Variants in PREX2 observed in about 807,000 individuals in gnomAD.
The protein encoded by PREX2 is phosphatidylinositol-3,4,5-trisphosphate dependent Rac exchange factor 2.
Under a neutral mutation model 203.2 loss-of-function variants are expected in PREX2, and 107 were observed. The observed-to-expected ratio is 0.53, with a 90% CI of 0.45 to 0.62. The LOEUF is 0.62. Ranked by LOEUF, PREX2 falls within the 20% of genes least tolerant of loss-of-function variation. The pLI, the probability that PREX2 is intolerant of heterozygous loss-of-function variation, is 0.00. For synonymous variants in PREX2, 672 were observed against 663.6 expected (o/e 1.01, Z -0.19); for missense variants, 1,777 against 1,955.9 (o/e 0.91, Z 1.72).
chr8:67,996,777 A>C (rs562085667), intron 1 of PREX2, among the ~76,000 whole-genome samples: 3 of 152,074 alleles, frequency 2.0e-5, no homozygotes, highest in Non-Finnish European at 4.4e-5. Flanking sequence ...TACCTTATAC[A>C]TATATGTCTA....
At position 68,115,728 on chromosome 8, in the gene PREX2, AT is replaced by A. The variant is rs35346688; in HGVS notation, c.3147-16del. 3.3e-3 allele frequency: 5,053 copies of A among 1,526,006 alleles called. 88 individuals are homozygous for A. In the African/African-American group the frequency reaches 0.05, roughly 15 times the overall value. 94.5% of individuals were successfully genotyped at this position (1,526,006 alleles called of 1,614,324 possible). ...TATAGCAGACAGTTTGAAAATGTGC[AT>A]TTTTTTTTAATATTACATTGCAGCC... On this transcript the variant is annotated intron_variant, in intron 25 of 39. Coordinates refer to ENST00000288368, the MANE Select transcript of PREX2 (RefSeq NM_024870.4).
intron 8 of PREX2, among the ~76,000 whole-genome samples, chr8:68,050,648 A>G (rs1431237103): frequency 3.3e-5 from 5 of 152,170 alleles, no homozygotes; most frequent in Non-Finnish European, 7.3e-5. Flanking sequence ...GTTTCTGTAC[A>G]TTGAAACAAT....
In PREX2 at chr8:68,057,449, T is replaced by C. The variant is rs140435651; in HGVS notation, c.1238+1475T>C. On this transcript the variant is annotated intron_variant, in intron 10 of 39. Transcript: ENST00000288368. Reference sequence around the variant, plus strand: ...CTCCCCAACCCCCAACTCAGAAATCTATAGGCCAGGAAACCCTCTGCCTGC... The same window carrying C: ...CTCCCCAACCCCCAACTCAGAAATCCATAGGCCAGGAAACCCTCTGCCTGC... Among the ~76,000 whole-genome samples, 520 of 152,238 alleles carry C rather than the reference T, an allele frequency of 3.4e-3. 4 individuals are homozygous for C. Among genetic ancestry groups the C allele is most frequent in the African/African-American group, 0.012 (504 of 41,536 alleles).
At chr8:67,994,970 AAC>A (rs965162315) in intron 1 of PREX2, among the ~76,000 whole-genome samples, 19 of 152,224 alleles carry the variant, frequency 1.2e-4, no homozygotes, top group African/African-American at 4.3e-4. Context: ...TCTATTCTAA[AAC>A]CAAATTTTAA....
rs139043000 is a variant in PREX2 at position 67,997,614 on chromosome 8, A to C, written c.142-20232A>C. 2.2e-3 allele frequency among the ~76,000 whole-genome samples: 329 copies of C among 152,122 alleles called. 1 individual carries two copies. Among genetic ancestry groups the C allele is most frequent in the Middle Eastern group, 0.014 (4 of 294 alleles). On this transcript the variant is annotated intron_variant, in intron 1 of 39. Coordinates refer to ENST00000288368, the MANE Select transcript of PREX2 (RefSeq NM_024870.4). ...CATTCTAAATCTTTTGTTTTTCTCT[A>C]TAAAATTTAGAACCAGCTTGTTAGA...
intron 35 of PREX2, among the ~76,000 whole-genome samples, chr8:68,187,616 G>T (rs1472109049): frequency 6.6e-6 from 1 of 152,182 alleles, no homozygotes; most frequent in African/African-American, 2.4e-5. Context: ...ATTTGACTGT[G>T]ACTTGTATAC....
In PREX2 at chr8:68,109,660, T is replaced by C. The variant is rs751167281; in HGVS notation, c.3146+37T>C. Reference sequence around the variant, plus strand: ...GTACTACACTTTTAAGTTTGCCAAATAAAATAGCCATAAAAATGTGGCTTA... The same window carrying C: ...GTACTACACTTTTAAGTTTGCCAAACAAAATAGCCATAAAAATGTGGCTTA... On this transcript the variant is annotated intron_variant, in intron 25 of 39. Transcript: ENST00000288368. 5 of 1,538,524 alleles carry C rather than the reference T, an allele frequency of 3.2e-6. No homozygotes were observed. In the Admixed American group the frequency reaches 5.3e-5, roughly 16 times the overall value.
At chr8:68,065,123 C>G (rs979568024) in intron 11 of PREX2, among the ~76,000 whole-genome samples, 5 of 152,186 alleles carry the variant, frequency 3.3e-5, no homozygotes, top group African/African-American at 1.2e-4. Flanking sequence ...TCTAAGGCAA[C>G]AGCTAAGAGT....
At chr8:68,157,873 G>A (rs975827599) in intron 35 of PREX2, among the ~76,000 whole-genome samples, 7 of 151,848 alleles carry the variant, frequency 4.6e-5, no homozygotes, top group East Asian at 1.9e-4. Flanking sequence ...CATGTGCTTG[G>A]TATTGGAAAA....
chr8:68,062,232 CG>C (rs1489864534), intron 11 of PREX2, among the ~76,000 whole-genome samples: 3 of 152,198 alleles, frequency 2.0e-5, no homozygotes, highest in Admixed American at 1.3e-4. Flanking sequence ...TTCTAGTCGC[CG>C]TCATCTCCTC....
chr8:68,035,725 A>G (rs934540261), intron 6 of PREX2, among the ~76,000 whole-genome samples: 3 of 152,210 alleles, frequency 2.0e-5, no homozygotes, highest in African/African-American at 7.2e-5. Context: ...TAATTACTCA[A>G]GGAAGATATT....
At chr8:68,056,231 T>G (rs1434777) in intron 10 of PREX2, among the ~76,000 whole-genome samples, 89,473 of 151,750 alleles carry the variant, frequency 0.59, 28,338 homozygotes, top group African/African-American at 0.83. Context: ...CGGGGGAAAG[T>G]GAGGTTGGGG....
At chr8:68,174,558 C>A (rs368804603) in intron 35 of PREX2, among the ~76,000 whole-genome samples, 21 of 152,142 alleles carry the variant, frequency 1.4e-4, no homozygotes, top group African/African-American at 4.6e-4. Flanking sequence ...TTCTCACATG[C>A]CCCTAAATTT....
At chr8:68,141,901 A>C (rs925572626) in intron 33 of PREX2, among the ~76,000 whole-genome samples, 1 of 152,192 alleles carries the variant, frequency 6.6e-6, no homozygotes, top group Non-Finnish European at 1.5e-5. Context: ...TTTATAGCTA[A>C]TAAATTTCCA....
intron 25 of PREX2, chr8:68,114,167 G>A (rs373074659): frequency 1.8e-4 from 52 of 284,486 alleles, no homozygotes; most frequent in African/African-American, 9.9e-4. Flanking sequence ...CGGCCCTTTT[G>A]TGTGTTTTAT....
At chr8:68,154,708 G>C (rs1050674244) in intron 34 of PREX2, among the ~76,000 whole-genome samples, 3 of 152,208 alleles carry the variant, frequency 2.0e-5, no homozygotes, top group African/African-American at 7.2e-5. Context: ...AAGAGAGAAA[G>C]CCTGTCCTTT....
intron 37 of PREX2, among the ~76,000 whole-genome samples, chr8:68,209,366 A>T (rs1309470509): frequency 6.6e-6 from 1 of 152,220 alleles, no homozygotes; most frequent in African/African-American, 2.4e-5. Context: ...TAATTAAAGA[A>T]GGAAAAAGGA....
intron 25 of PREX2, among the ~76,000 whole-genome samples, chr8:68,114,146 G>A (rs1040361367): frequency 1.3e-5 from 2 of 152,150 alleles, no homozygotes; most frequent in African/African-American, 4.8e-5. Context: ...ACAGGCATGA[G>A]CCACCGCGCC....
chr8:68,040,609 G>C (rs776240998), intron 7 of PREX2, among the ~76,000 whole-genome samples: 1 of 152,090 alleles, frequency 6.6e-6, no homozygotes, highest in African/African-American at 2.4e-5. Flanking sequence ...TCCCTCTGTA[G>C]TGTCTTCCCT....
Sources: gnomAD v4.1 joint callset for allele counts (sites outside exome capture counted in the v4.1 genomes callset) on GRCh38, gnomAD v4.1.1 for gene constraint, MANE v1.5 for transcripts, NCBI Gene and HGNC (gene_info 2026-07-23, HGNC 2026-07-21) for gene names.